AGBL1: variants seen among roughly 807,000 people sequenced by gnomAD.
AGBL1 encodes AGBL carboxypeptidase 1.
A neutral mutation model predicts 118.9 loss-of-function variants in AGBL1; 130 were observed. The observed-to-expected ratio is 1.09, with a 90% CI of 0.95 to 1.26. The LOEUF (loss-of-function observed/expected upper bound fraction) is 1.26. AGBL1 is among the 50% of genes most tolerant of loss of function. The pLI is 0.00. For synonymous variants in AGBL1, 555 were observed against 478.9 expected (o/e 1.16, Z -2.08); for missense variants, 1,584 against 1,298.1 (o/e 1.22, Z -3.38).
chr15:86,418,741 TC>T (rs1318504000), intron 18 of AGBL1, among the ~76,000 whole-genome samples: 1 of 152,132 alleles, frequency 6.6e-6, no homozygotes, highest in Non-Finnish European at 1.5e-5. Flanking sequence ...GATTCAGACT[TC>T]CCACAGGCAC....
At chr15:86,794,245 T>C (rs532519467) in intron 22 of AGBL1, among the ~76,000 whole-genome samples, 18 of 152,234 alleles carry the variant, frequency 1.2e-4, no homozygotes, top group Non-Finnish European at 2.2e-4. Flanking sequence ...GGTGTGTCTA[T>C]ACAACAGAAT....
intron 23 of AGBL1, chr15:86,938,888 C>CA (rs1298510368): frequency 1.3e-5 from 2 of 152,126 alleles, no homozygotes; most frequent in East Asian, 3.9e-4. Context: ...CAAAACAAAA[C>CA]AAAAAACATC....
At chr15:86,562,325 C>A (rs916983343) in intron 21 of AGBL1, among the ~76,000 whole-genome samples, 9 of 152,118 alleles carry the variant, frequency 5.9e-5, no homozygotes, top group African/African-American at 2.2e-4. Flanking sequence ...CCATCAATAC[C>A]TAATTTCTTG....
At chr15:86,470,549 T>G (rs2142101120) in intron 18 of AGBL1, among the ~76,000 whole-genome samples, 1 of 152,320 alleles carries the variant, frequency 6.6e-6, no homozygotes, top group Admixed American at 6.5e-5. Flanking sequence ...ATGTATTTTA[T>G]GATTGCTTTT....
intron 24 of AGBL1, among the ~76,000 whole-genome samples, chr15:86,993,801 G>T (rs1226626177): frequency 1.3e-5 from 2 of 152,168 alleles, no homozygotes; most frequent in African/African-American, 4.8e-5. Context: ...CCCCTTCTCA[G>T]TATGCTTTTT....
chr15:86,108,613 T>C (rs1016096707), intron 1 of AGBL1, among the ~76,000 whole-genome samples: 13 of 151,990 alleles, frequency 8.6e-5, no homozygotes, highest in African/African-American at 2.9e-4. Flanking sequence ...TGCAAATAAA[T>C]TGAGGTCAAG....
At chr15:86,943,088 A>G (rs755581828) in intron 23 of AGBL1, among the ~76,000 whole-genome samples, 20 of 152,170 alleles carry the variant, frequency 1.3e-4, no homozygotes, top group Admixed American at 3.3e-4. Context: ...ATAAGTCAGG[A>G]GAGTTAACAG....
At chr15:86,783,998 A>G (rs2078371891) in intron 22 of AGBL1, among the ~76,000 whole-genome samples, 1 of 152,202 alleles carries the variant, frequency 6.6e-6, no homozygotes, top group Non-Finnish European at 1.5e-5. Context: ...TAGAAGTAAG[A>G]ACATGGATTT....
chr15:86,295,420 G>A lies in AGBL1; in HGVS notation c.2374+12G>A. On this transcript the variant is annotated intron_variant, in intron 17 of 22. Coordinates refer to ENST00000614907, the MANE Select transcript of AGBL1 (RefSeq NM_001386094.1). The stretch of plus-strand genomic sequence containing the variant: ...TCTAGAGCAGTTCCGTGAGTAAAAT[G>A]GGATCCTCTTCGTAGAAGATTTGAC... The A allele has an allele frequency of 6.5e-7, 1 of 1,543,272 alleles. No homozygotes were observed. Among genetic ancestry groups the A allele is most frequent in the Non-Finnish European group, 8.7e-7 (1 of 1,148,314 alleles).
chr15:86,846,094 CT>C (rs975637889), intron 22 of AGBL1, among the ~76,000 whole-genome samples: 45 of 152,294 alleles, frequency 3.0e-4, no homozygotes, highest in African/African-American at 1.0e-3. Flanking sequence ...TACACATATA[CT>C]TAGATTTTCT....
intron 18 of AGBL1, among the ~76,000 whole-genome samples, chr15:86,463,705 C>G (rs1274783333): frequency 6.6e-6 from 1 of 152,078 alleles, no homozygotes; most frequent in Non-Finnish European, 1.5e-5. Context: ...GAATCCTTTC[C>G]CCATTGCTTG....
chr15:86,550,385 G>T (rs984944186), intron 20 of AGBL1, among the ~76,000 whole-genome samples: 2 of 152,056 alleles, frequency 1.3e-5, no homozygotes, highest in Non-Finnish European at 2.9e-5. Flanking sequence ...GTCTATAAAT[G>T]ACATGCTTTT....
chr15:86,795,086 A>T (rs960280128), intron 22 of AGBL1, among the ~76,000 whole-genome samples: 3 of 152,220 alleles, frequency 2.0e-5, no homozygotes, highest in African/African-American at 7.2e-5. Context: ...AGCTGAAAAA[A>T]GTGGCTATCA....
At chr15:86,651,072 C>A (rs1348160493) in intron 21 of AGBL1, among the ~76,000 whole-genome samples, 4 of 152,148 alleles carry the variant, frequency 2.6e-5, no homozygotes, top group African/African-American at 9.7e-5. Context: ...TCCTATGTTT[C>A]CTATATTCCC....
In AGBL1 at chr15:86,554,404, T is replaced by C. The variant is rs916298220; in HGVS notation, c.2861T>C (p.Met954Thr). The C allele has an allele frequency of 6.3e-6, 10 of 1,588,332 alleles. No homozygotes were observed. Among genetic ancestry groups the C allele is most frequent in the South Asian group, 1.2e-5 (1 of 86,796 alleles). Residue 954 changes from methionine (M) to threonine (T), a missense_variant, in exon 21 of 23, where the codon ATG (methionine) becomes ACG (threonine). Met to Thr is a moderately conservative substitution (Grantham distance 81). Transcript: ENST00000614907. ...GATAAGCTAGCACCAGCATTCACAA[T>C]GAGCAGCTGCAGCTTTCTCGTGGAG... ...ILDKLAPAFT[M>T]SSCSFLVEKS...
intron 18 of AGBL1, among the ~76,000 whole-genome samples, chr15:86,460,523 T>TAAC (rs60390844): frequency 0.45 from 67,816 of 150,726 alleles, 15,737 homozygotes; most frequent in Middle Eastern, 0.55. Context: ...AAACAAACAA[T>TAAC]AACAACAACA....
chr15:87,026,559 T>G (rs2141812999), intron 24 of AGBL1, among the ~76,000 whole-genome samples: 1 of 152,206 alleles, frequency 6.6e-6, no homozygotes, highest in Middle Eastern at 3.4e-3. Flanking sequence ...GAATGTAAAC[T>G]AGTACAATCA....
intron 5 of AGBL1, among the ~76,000 whole-genome samples, chr15:86,211,074 C>T (rs1346950206): frequency 6.6e-6 from 1 of 152,154 alleles, no homozygotes; most frequent in Non-Finnish European, 1.5e-5. Flanking sequence ...GAGTCAGGTC[C>T]CTAAGCTTCA....
chr15:87,001,349 T>C (rs1000037554), intron 24 of AGBL1, among the ~76,000 whole-genome samples: 1 of 152,116 alleles, frequency 6.6e-6, no homozygotes, highest in African/African-American at 2.4e-5. Context: ...GCATGGTGTA[T>C]ATGTGCCATA....
Sources: allele counts gnomAD v4.1 joint callset (sites outside exome capture counted in the v4.1 genomes callset), GRCh38; gene constraint gnomAD v4.1.1; transcripts MANE v1.5; gene names NCBI Gene and HGNC (gene_info 2026-07-23, HGNC 2026-07-21).